The following LGR5 variants were observed in gnomAD, a reference collection of about 807,000 sequenced individuals.
The protein encoded by LGR5 is leucine-rich repeat-containing G protein-coupled receptor 5.
LGR5 carries 54 observed loss-of-function variants against 76.7 expected under a neutral mutation model. The ratio of observed to expected loss-of-function variants is 0.70; its 90% CI spans 0.57 to 0.88. The LOEUF (loss-of-function observed/expected upper bound fraction) is 0.88, where lower values mean the gene tolerates loss of function less well. Ranked by LOEUF, LGR5 falls within the 40% of genes least tolerant of loss-of-function variation. LGR5 has a pLI of 0.00. For missense variants in LGR5, 1,078 were observed against 1,073.3 expected (o/e 1.00, Z -0.06); for synonymous variants, 406 against 421.9 (o/e 0.96, Z 0.46).
intron 1 of LGR5, among the ~76,000 whole-genome samples, chr12:71,482,076 A>G (rs1873632447): frequency 6.6e-6 from 1 of 152,214 alleles, no homozygotes; most frequent in East Asian, 1.9e-4. Flanking sequence ...GGTACTTCAG[A>G]TTCCCTCTTT....
At chr12:71,572,403 C>G (rs1407713232) in intron 12 of LGR5, among the ~76,000 whole-genome samples, 1 of 152,170 alleles carries the variant, frequency 6.6e-6, no homozygotes, top group African/African-American at 2.4e-5. Context: ...TTTATAGTCA[C>G]ACTTCAGTTT....
chr12:71,550,207 G>A (rs959651482), intron 4 of LGR5, among the ~76,000 whole-genome samples: 2 of 151,754 alleles, frequency 1.3e-5, no homozygotes, highest in Non-Finnish European at 2.9e-5. Flanking sequence ...CTGGAATACA[G>A]TGGCAAGATC....
chr12:71,564,978 C>A (rs183852554), intron 8 of LGR5, among the ~76,000 whole-genome samples: 1 of 149,030 alleles, frequency 6.7e-6, no homozygotes, highest in Admixed American at 6.7e-5. Flanking sequence ...TGTATATATA[C>A]GTGTGTATAT....
intron 2 of LGR5, among the ~76,000 whole-genome samples, chr12:71,517,171 T>A (rs1295315909): frequency 1.3e-5 from 2 of 152,206 alleles, no homozygotes; most frequent in East Asian, 3.8e-4. Context: ...TATGTTTGTA[T>A]GCATTTCGGT....
Position 71,439,991 on chromosome 12 carries a change from C to A in LGR5, c.-90C>A. On this transcript the variant is annotated 5_prime_UTR_variant, in exon 1 of 18. Transcript: ENST00000266674. ...AGACGCCCGCTGAGTTGCAGAAGCCCACGGAGCGGCGCCCGGCGCGCCACG... is the reference window on the plus strand; with the variant it reads ...AGACGCCCGCTGAGTTGCAGAAGCCAACGGAGCGGCGCCCGGCGCGCCACG... 1 of 1,283,248 alleles carries A rather than the reference C, an allele frequency of 7.8e-7. No individual in the cohort carries two copies. 79.5% of individuals were successfully genotyped at this position (1,283,248 alleles called of 1,614,324 possible).
At chr12:71,492,876 T>C (rs893954738) in intron 1 of LGR5, among the ~76,000 whole-genome samples, 2 of 151,336 alleles carry the variant, frequency 1.3e-5, no homozygotes, top group African/African-American at 2.5e-5. Context: ...ATTTTTTCTT[T>C]TAGCGTTTCA....
chr12:71,507,268 C>T (rs1874902590), intron 2 of LGR5, among the ~76,000 whole-genome samples: 1 of 152,074 alleles, frequency 6.6e-6, no homozygotes, highest in Admixed American at 6.5e-5. Flanking sequence ...CAAAGCCATG[C>T]TTGGAAAGTG....
At chr12:71,449,272 T>C (rs1196605298) in intron 1 of LGR5, among the ~76,000 whole-genome samples, 2 of 152,082 alleles carry the variant, frequency 1.3e-5, no homozygotes, top group African/African-American at 4.8e-5. Context: ...TCACCAAAAT[T>C]GGGGTCTCTG....
chr12:71,571,297 C>A, intron 11 of LGR5: 3 of 394,750 alleles, frequency 7.6e-6, no homozygotes, highest in Admixed American at 4.4e-5. Flanking sequence ...CTATTTAAAT[C>A]AATTAAAGAA....
At chr12:71,467,862 G>A (rs1416372958) in intron 1 of LGR5, among the ~76,000 whole-genome samples, 1 of 152,050 alleles carries the variant, frequency 6.6e-6, no homozygotes, top group East Asian at 1.9e-4. Flanking sequence ...GTTTAAACTT[G>A]CAAAGCACAT....
rs756140189 is a variant in LGR5 at position 71,501,790 on chromosome 12, G to C, written c.213-2824G>C. 7.9e-5 allele frequency among the ~76,000 whole-genome samples: 12 copies of C among 152,142 alleles called. 1 individual carries two copies. Among genetic ancestry groups the C allele is most frequent in the Non-Finnish European group, 1.8e-4 (12 of 68,030 alleles). On this transcript the variant is annotated intron_variant, in intron 1 of 17. Coordinates refer to ENST00000266674, the MANE Select transcript of LGR5 (RefSeq NM_003667.4). ...TTTATTATAGTTTATAATAGTGTAAGTCCACAGCAAATTAGAAATTTAAAA... is the reference window on the plus strand; with the variant it reads ...TTTATTATAGTTTATAATAGTGTAACTCCACAGCAAATTAGAAATTTAAAA...
At chr12:71,491,960 G>A (rs1032535787) in intron 1 of LGR5, among the ~76,000 whole-genome samples, 5 of 151,770 alleles carry the variant, frequency 3.3e-5, no homozygotes, top group Non-Finnish European at 7.4e-5. Context: ...ATAGTGACTA[G>A]TACAAGTAAT....
chr12:71,585,590 G>C lies in LGR5; in HGVS notation c.*856G>C, dbSNP rs1422690168. 2 of 152,282 alleles carry C rather than the reference G, an allele frequency of 1.3e-5. No homozygotes were observed. Among genetic ancestry groups the C allele is most frequent in the African/African-American group, 2.4e-5 (1 of 41,562 alleles). 9.4% of individuals were successfully genotyped at this position (152,282 alleles called of 1,614,324 possible). ...AATCTGGGATTTTTTTTCTGGGTTAGTAAAGAATTTTTGCAATAAGTTTTA... is the reference window on the plus strand; with the variant it reads ...AATCTGGGATTTTTTTTCTGGGTTACTAAAGAATTTTTGCAATAAGTTTTA... On this transcript the variant is annotated 3_prime_UTR_variant, in exon 18 of 18. Coordinates refer to ENST00000266674, the MANE Select transcript of LGR5 (RefSeq NM_003667.4).
rs1565761433 is a variant in LGR5 at position 71,564,702 on chromosome 12, ACAC to A, written c.858-1701_858-1699del. Among the ~76,000 whole-genome samples, 22 of 13,956 alleles carry A rather than the reference ACAC, an allele frequency of 1.6e-3. 2 individuals are homozygous for A. In the South Asian group the frequency reaches 0.022, roughly 14 times the overall value. 9.2% of individuals were successfully genotyped at this position (13,956 alleles called of 152,430 possible). A position where few individuals can be genotyped will look rare whatever the true frequency, so the allele number is the denominator to read the frequency against. ...TATACATATATACATATATGTACAC[ACAC>A]TGTATATATACATATATACATATAT... On this transcript the variant is annotated intron_variant, in intron 8 of 17. Transcript: ENST00000266674.
chr12:71,497,279 C>T (rs1325403159), intron 1 of LGR5, among the ~76,000 whole-genome samples: 1 of 151,484 alleles, frequency 6.6e-6, no homozygotes, highest in Non-Finnish European at 1.5e-5. Flanking sequence ...CATGCCAGTG[C>T]ACTCCAGCCT....
At position 71,469,321 on chromosome 12, in the gene LGR5, CCTT is replaced by C. The variant is rs578069175; in HGVS notation, c.212+29035_212+29037del. On this transcript the variant is annotated intron_variant, in intron 1 of 17. Coordinates refer to ENST00000266674, the MANE Select transcript of LGR5 (RefSeq NM_003667.4). ...TGCCTCACTTCACACTTTGTCATTG[CCTT>C]CTTCTACTAACTTCAGTGGAATCTC... Among the ~76,000 whole-genome samples the C allele has an allele frequency of 1.3e-3, 203 of 152,338 alleles. 1 individual carries two copies. Among genetic ancestry groups the C allele is most frequent in the African/African-American group, 4.6e-3 (190 of 41,570 alleles).
At chr12:71,551,739 C>T (rs898511589) in intron 4 of LGR5, among the ~76,000 whole-genome samples, 17 of 152,156 alleles carry the variant, frequency 1.1e-4, no homozygotes, top group African/African-American at 3.9e-4. Flanking sequence ...CCTCTGCTGG[C>T]TTTTAGGTGG....
At chr12:71,556,387 TAC>T (rs1213483816) in intron 5 of LGR5, among the ~76,000 whole-genome samples, 1 of 152,162 alleles carries the variant, frequency 6.6e-6, no homozygotes, top group African/African-American at 2.4e-5. Context: ...CATATTATTA[TAC>T]ACACCCTGAT....
intron 3 of LGR5, among the ~76,000 whole-genome samples, chr12:71,527,894 T>G (rs184811824): frequency 6.6e-6 from 1 of 152,246 alleles, no homozygotes; most frequent in Admixed American, 6.5e-5. Context: ...TGTAGCAAGC[T>G]GTCCTGCAAT....
Sources: allele counts gnomAD v4.1 joint callset (sites outside exome capture counted in the v4.1 genomes callset), GRCh38; gene constraint gnomAD v4.1.1; transcripts MANE v1.5; gene names NCBI Gene and HGNC (gene_info 2026-07-23, HGNC 2026-07-21).